The following IQCM variants were observed in gnomAD, a reference collection of about 807,000 sequenced individuals.
IQCM encodes the protein IQ domain-containing protein M.
In IQCM, 45 loss-of-function variants were observed where a neutral mutation model predicts 57.6. The observed-to-expected ratio is 0.78, with a 90% CI of 0.62 to 1.00. The LOEUF is 1.00. Ranked by LOEUF, IQCM falls within the 50% of genes least tolerant of loss-of-function variation. The pLI, the probability that IQCM is intolerant of heterozygous loss-of-function variation, is 0.00. For synonymous variants in IQCM, 148 were observed against 158.9 expected (o/e 0.93, Z 0.51); for missense variants, 468 against 511.6 (o/e 0.91, Z 0.82).
intron 8 of IQCM, among the ~76,000 whole-genome samples, chr4:149,594,423 A>AT (rs982944302): frequency 6.6e-6 from 1 of 152,024 alleles, no homozygotes; most frequent in Non-Finnish European, 1.5e-5. Context: ...GGATTCATTG[A>AT]TTTTTTGAAG....
At chr4:149,589,451 G>A (rs967664306) in intron 8 of IQCM, among the ~76,000 whole-genome samples, 1 of 152,068 alleles carries the variant, frequency 6.6e-6, no homozygotes, top group East Asian at 1.9e-4. Flanking sequence ...AAGATGAAAC[G>A]TGGAAGAAAG....
intron 12 of IQCM, among the ~76,000 whole-genome samples, chr4:149,515,752 C>T (rs995930375): frequency 2.6e-4 from 40 of 152,106 alleles, no homozygotes; most frequent in African/African-American, 9.2e-4. Flanking sequence ...TACTGATTCA[C>T]GGGCTGTAGC....
intron 13 of IQCM, among the ~76,000 whole-genome samples, chr4:149,359,258 G>C (rs760106608): frequency 3.3e-5 from 5 of 152,102 alleles, no homozygotes; most frequent in Non-Finnish European, 5.9e-5. Flanking sequence ...TTAACCCATA[G>C]TGTGTTACAA....
intron 13 of IQCM, among the ~76,000 whole-genome samples, chr4:149,372,724 T>A (rs1259913268): frequency 6.6e-6 from 1 of 152,124 alleles, no homozygotes; most frequent in African/African-American, 2.4e-5. Context: ...CAAACTAAGT[T>A]TAAGAAAATC....
At chr4:149,420,842 T>C (rs1484326208) in intron 13 of IQCM, among the ~76,000 whole-genome samples, 1 of 152,058 alleles carries the variant, frequency 6.6e-6, no homozygotes, top group Non-Finnish European at 1.5e-5. Context: ...CCTATACCTA[T>C]GGCAAGGTGT....
At chr4:149,582,790 T>C (rs1752328256) in intron 9 of IQCM, among the ~76,000 whole-genome samples, 2 of 151,610 alleles carry the variant, frequency 1.3e-5, no homozygotes, top group African/African-American at 2.4e-5. Flanking sequence ...TGACAAAAGA[T>C]GTCTAATGAT....
At chr4:149,403,461 A>G (rs191300232) in intron 13 of IQCM, among the ~76,000 whole-genome samples, 61 of 152,150 alleles carry the variant, frequency 4.0e-4, no homozygotes, top group Admixed American at 3.7e-3. Flanking sequence ...ATCTTCAATT[A>G]TCCATCGTAA....
chr4:149,611,529 C>A (rs976516756), intron 8 of IQCM, among the ~76,000 whole-genome samples: 1 of 152,020 alleles, frequency 6.6e-6, no homozygotes, highest in Non-Finnish European at 1.5e-5. Context: ...CTGTCACTTG[C>A]AACAACATGA....
At chr4:149,532,643 A>C (rs867175677) in intron 12 of IQCM, among the ~76,000 whole-genome samples, 17 of 152,128 alleles carry the variant, frequency 1.1e-4, no homozygotes, top group Middle Eastern at 3.2e-3. Flanking sequence ...TTTAAAGGAA[A>C]GTATGAAAGA....
chr4:149,618,376 T>C (rs552388405), intron 8 of IQCM, among the ~76,000 whole-genome samples: 22 of 152,292 alleles, frequency 1.4e-4, no homozygotes, highest in African/African-American at 4.6e-4. Context: ...GACTTAAATG[T>C]AAGACCTGAA....
At chr4:149,610,981 C>T (rs1755232010) in intron 8 of IQCM, among the ~76,000 whole-genome samples, 2 of 151,944 alleles carry the variant, frequency 1.3e-5, no homozygotes, top group East Asian at 3.9e-4. Context: ...TGATTAATAA[C>T]CAAAATATAT....
chr4:149,740,859 G>GA (rs1284283484), intron 3 of IQCM, among the ~76,000 whole-genome samples: 4 of 152,134 alleles, frequency 2.6e-5, no homozygotes, highest in African/African-American at 7.2e-5. Context: ...TGGAGAGAAG[G>GA]ATTAGAGTGC....
intron 13 of IQCM, among the ~76,000 whole-genome samples, chr4:149,428,298 A>T (rs1321812186): frequency 2.0e-5 from 3 of 151,472 alleles, no homozygotes; most frequent in Admixed American, 1.3e-4. Flanking sequence ...AAAAGCCTTT[A>T]AAAAAAATAA....
chr4:149,691,447 A>G (rs977866332), intron 5 of IQCM, among the ~76,000 whole-genome samples: 4 of 152,182 alleles, frequency 2.6e-5, no homozygotes, highest in Non-Finnish European at 5.9e-5. Context: ...TTAATAAAGC[A>G]CTATTGCTAC....
intron 7 of IQCM, among the ~76,000 whole-genome samples, chr4:149,677,247 G>C (rs542838322): frequency 2.4e-4 from 36 of 152,190 alleles, no homozygotes; most frequent in African/African-American, 7.2e-4. Flanking sequence ...GACAAAGTAG[G>C]GATGCAGGAC....
intron 9 of IQCM, among the ~76,000 whole-genome samples, chr4:149,579,721 G>C (rs1465461361): frequency 1.3e-5 from 2 of 151,740 alleles, no homozygotes; most frequent in Non-Finnish European, 2.9e-5. Context: ...AAGAAAACAG[G>C]CCTAGAAGAC....
chr4:149,789,546 G>A (rs548979200), intron 2 of IQCM, among the ~76,000 whole-genome samples: 30 of 152,262 alleles, frequency 2.0e-4, no homozygotes, highest in Admixed American at 1.4e-3. Context: ...AGAGCCAGGT[G>A]CAGTGGCTCA....
At chr4:149,776,659 T>C (rs1235369241) in intron 2 of IQCM, among the ~76,000 whole-genome samples, 5 of 152,144 alleles carry the variant, frequency 3.3e-5, no homozygotes, top group Admixed American at 2.6e-4. Flanking sequence ...AAATGAAACA[T>C]TTTATATGAT....
At chr4:149,727,517 C>T (rs907670701) in intron 5 of IQCM, among the ~76,000 whole-genome samples, 3 of 152,086 alleles carry the variant, frequency 2.0e-5, no homozygotes, top group Non-Finnish European at 2.9e-5. Context: ...ATAAAACAAG[C>T]AAGAAGGGAA....
Sources: allele counts gnomAD v4.1 joint callset (sites outside exome capture counted in the v4.1 genomes callset), GRCh38; gene constraint gnomAD v4.1.1; transcripts MANE v1.5; gene names NCBI Gene and HGNC (gene_info 2026-07-23, HGNC 2026-07-21).